The following CREB5 variants were observed in gnomAD, a reference collection of about 807,000 sequenced individuals.
CREB5 encodes cAMP responsive element binding protein 5, also known as cyclic AMP-responsive element-binding protein 5.
A neutral mutation model predicts 57.1 loss-of-function variants in CREB5; 19 were observed. That is an observed-to-expected ratio of 0.33 (90% confidence interval 0.23 to 0.49). The LOEUF is 0.49. Among genes scored for constraint, CREB5 ranks in the 20% least tolerant of loss-of-function variants. CREB5 has a pLI of 0.99. For missense variants in CREB5, 579 were observed against 671.6 expected (o/e 0.86, Z 1.52); for synonymous variants, 238 against 238.3 (o/e 1.00, Z 0.01).
intron 1 of CREB5, among the ~76,000 whole-genome samples, chr7:28,367,983 A>C (rs76431080): frequency 0.039 from 5,971 of 152,176 alleles, 394 homozygotes; most frequent in African/African-American, 0.14. Context: ...CCCTGCTTTC[A>C]TTCTGCCATA....
At chr7:28,457,114 A>G (rs1486831762) in intron 1 of CREB5, among the ~76,000 whole-genome samples, 1 of 152,174 alleles carries the variant, frequency 6.6e-6, no homozygotes, top group Non-Finnish European at 1.5e-5. Flanking sequence ...GTATTCTCTT[A>G]TTAGGAGCCC....
chr7:28,591,079 G>A (rs1002266617), intron 5 of CREB5, among the ~76,000 whole-genome samples: 1 of 152,170 alleles, frequency 6.6e-6, no homozygotes, highest in Non-Finnish European at 1.5e-5. Context: ...CATGAGCACT[G>A]TTTAGTCTCA....
intron 1 of CREB5, among the ~76,000 whole-genome samples, chr7:28,304,751 A>G (rs778053426): frequency 1.3e-5 from 2 of 152,216 alleles, no homozygotes; most frequent in Non-Finnish European, 2.9e-5. Context: ...TAAAACTCAC[A>G]TTGTAAAAAA....
At chr7:28,343,016 C>A (rs558385215) in intron 1 of CREB5, among the ~76,000 whole-genome samples, 1 of 152,174 alleles carries the variant, frequency 6.6e-6, no homozygotes, top group East Asian at 1.9e-4. Context: ...TCTGGGCTCA[C>A]TGCAAGCTCC....
chr7:28,536,367 G>A (rs990607333), intron 4 of CREB5, among the ~76,000 whole-genome samples: 13 of 152,166 alleles, frequency 8.5e-5, no homozygotes, highest in South Asian at 2.1e-4. Context: ...GAGGTAAGGC[G>A]CATCTCCTTG....
At chr7:28,671,362 T>C (rs1434882479) in intron 5 of CREB5, among the ~76,000 whole-genome samples, 1 of 152,226 alleles carries the variant, frequency 6.6e-6, no homozygotes, top group Non-Finnish European at 1.5e-5. Flanking sequence ...CGTTTCCTGC[T>C]TTCTATGATC....
At chr7:28,739,198 G>A (rs1312869870) in intron 7 of CREB5, among the ~76,000 whole-genome samples, 1 of 152,152 alleles carries the variant, frequency 6.6e-6, no homozygotes, top group Non-Finnish European at 1.5e-5. Context: ...GCTACCTGTG[G>A]CTAGGTTAAG....
At chr7:28,477,995 T>C (rs1255467950) in intron 1 of CREB5, among the ~76,000 whole-genome samples, 1 of 152,048 alleles carries the variant, frequency 6.6e-6, no homozygotes, top group Non-Finnish European at 1.5e-5. Flanking sequence ...ACACCTGTGG[T>C]GTCCCAACTA....
At chr7:28,809,088 CTT>C in intron 8 of CREB5, 97 bp from the exon 9 acceptor site, 1 of 1,098,310 alleles carries the variant, frequency 9.1e-7, no homozygotes, top group Non-Finnish European at 1.3e-6. Context: ...AAACGATAGA[CTT>C]TCTGTGCTTT....
chr7:28,770,953 G>A (rs1806288264), intron 7 of CREB5, among the ~76,000 whole-genome samples: 1 of 152,198 alleles, frequency 6.6e-6, no homozygotes, highest in Non-Finnish European at 1.5e-5. Context: ...GGGTAACTAG[G>A]TGAGGTGTTA....
At chr7:28,709,432 A>C (rs1802290797) in intron 5 of CREB5, among the ~76,000 whole-genome samples, 1 of 152,224 alleles carries the variant, frequency 6.6e-6, no homozygotes, top group South Asian at 2.1e-4. Context: ...TTAATGGTGC[A>C]GAAATCAGTC....
At chr7:28,699,727 C>G (rs756423299) in intron 5 of CREB5, among the ~76,000 whole-genome samples, 1 of 152,048 alleles carries the variant, frequency 6.6e-6, no homozygotes, top group Non-Finnish European at 1.5e-5. Flanking sequence ...AATAGTAGGG[C>G]CAAATTATGG....
intron 1 of CREB5, among the ~76,000 whole-genome samples, chr7:28,349,562 G>T (rs1196066333): frequency 6.6e-6 from 1 of 152,062 alleles, no homozygotes; most frequent in Non-Finnish European, 1.5e-5. Flanking sequence ...TTTTGCTTTT[G>T]CTCCACGTTC....
At chr7:28,777,546 C>T (rs1050220426) in intron 7 of CREB5, among the ~76,000 whole-genome samples, 3 of 152,110 alleles carry the variant, frequency 2.0e-5, no homozygotes, top group Admixed American at 6.5e-5. Context: ...GTAGCCTGTT[C>T]ATATTTGAAT....
chr7:28,618,755 C>T (rs1256419222), intron 5 of CREB5, among the ~76,000 whole-genome samples: 1 of 152,230 alleles, frequency 6.6e-6, no homozygotes, highest in Non-Finnish European at 1.5e-5. Flanking sequence ...CCCCCAACCC[C>T]TTGATTCCTG....
intron 1 of CREB5, among the ~76,000 whole-genome samples, chr7:28,430,271 C>T (rs1788663589): frequency 6.6e-6 from 1 of 152,192 alleles, no homozygotes. Flanking sequence ...CTGTGGGAGG[C>T]ATCCACTCCA....
At chr7:28,715,281 C>G (rs1802621701) in intron 5 of CREB5, among the ~76,000 whole-genome samples, 1 of 152,168 alleles carries the variant, frequency 6.6e-6, no homozygotes, top group African/African-American at 2.4e-5. Context: ...AAGCCCCGTT[C>G]CCGTTCATGA....
At chr7:28,753,986 A>T (rs1017711871) in intron 7 of CREB5, among the ~76,000 whole-genome samples, 3 of 137,422 alleles carry the variant, frequency 2.2e-5, no homozygotes, top group Admixed American at 1.4e-4. Context: ...TAAACTCATT[A>T]AAAAAAAAAA....
intron 5 of CREB5, among the ~76,000 whole-genome samples, chr7:28,627,769 T>G (rs1798055747): frequency 6.6e-6 from 1 of 152,156 alleles, no homozygotes; most frequent in African/African-American, 2.4e-5. Context: ...CTTTTCAGCT[T>G]ATCTTCAGCC....
Sources: allele counts gnomAD v4.1 joint callset (sites outside exome capture counted in the v4.1 genomes callset), GRCh38; gene constraint gnomAD v4.1.1; transcripts MANE v1.5; gene names NCBI Gene and HGNC (gene_info 2026-07-23, HGNC 2026-07-21).